Variants in TRPC5 observed in about 807,000 individuals in gnomAD.
TRPC5 encodes short transient receptor potential channel 5.
In TRPC5, 9 loss-of-function variants were observed where a neutral mutation model predicts 56.5. That is an observed-to-expected ratio of 0.16 (90% CI 0.10 to 0.28). The LOEUF (loss-of-function observed/expected upper bound fraction) is 0.28, where lower values mean the gene tolerates loss of function less well. Among genes scored for constraint, TRPC5 ranks in the 10% least tolerant of loss-of-function variants. The pLI is 1.00. For synonymous variants in TRPC5, 282 were observed against 278.5 expected (o/e 1.01, Z -0.13); for missense variants, 469 against 748.9 (o/e 0.63, Z 4.36).
intron 1 of TRPC5, among the ~76,000 whole-genome samples, chrX:111,966,398 A>G (rs1361782071): frequency 3.6e-5 from 4 of 111,717 alleles, no homozygotes; most frequent in Non-Finnish European, 5.6e-5. Context: ...TCTACCAGAG[A>G]TACAAGGAGG....
chrX:111,845,699 G>T (rs1046662117), intron 6 of TRPC5, among the ~76,000 whole-genome samples: 1 of 112,193 alleles, frequency 8.9e-6, no homozygotes, highest in African/African-American at 3.2e-5. Context: ...GTTGAAAACA[G>T]GTTGCTGTGA....
chrX:111,871,334 T>A (rs966998809), intron 3 of TRPC5, among the ~76,000 whole-genome samples: 3 of 110,424 alleles, frequency 2.7e-5, no homozygotes, highest in Non-Finnish European at 5.7e-5. Context: ...TTTTTTTTTA[T>A]CATAACAGGA....
chrX:111,874,159 C>G (rs1012384993), intron 3 of TRPC5, among the ~76,000 whole-genome samples: 1 of 112,723 alleles, frequency 8.9e-6, no homozygotes, highest in Non-Finnish European at 1.9e-5. Context: ...AGGCCCCATG[C>G]CAAGTACTTG....
At chrX:111,802,816 C>T (rs1423629968) in intron 7 of TRPC5, among the ~76,000 whole-genome samples, 2 of 111,729 alleles carry the variant, frequency 1.8e-5, no homozygotes, top group African/African-American at 6.5e-5. Flanking sequence ...AAACTCATAG[C>T]AAGCCTGCAT....
At chrX:111,958,051 A>T (rs775326208) in intron 1 of TRPC5, among the ~76,000 whole-genome samples, 43 of 112,023 alleles carry the variant, frequency 3.8e-4, no homozygotes, top group Non-Finnish European at 6.8e-4. Flanking sequence ...ATGTGCTCAG[A>T]TGTGGGTATA....
chrX:112,054,389 G>A (rs764560969), intron 1 of TRPC5, among the ~76,000 whole-genome samples: 4 of 111,261 alleles, frequency 3.6e-5, no homozygotes, highest in Non-Finnish European at 7.5e-5. Context: ...CCAAGATGAG[G>A]TGGTTGCAGT....
intron 1 of TRPC5, among the ~76,000 whole-genome samples, chrX:111,992,921 C>T (rs763616207): frequency 4.1e-4 from 45 of 110,510 alleles, no homozygotes; most frequent in African/African-American, 1.2e-3. Context: ...ATTTATTATA[C>T]TTTAAGTTCT....
chrX:111,951,386 AAAGATATTTGGAAGG>A (rs1927082745), intron 2 of TRPC5, among the ~76,000 whole-genome samples: 1 of 111,932 alleles, frequency 8.9e-6, no homozygotes, highest in South Asian at 3.8e-4. Context: ...AAAGTATATG[AAAGATATTTGGAAGG>A]AAGGAACCAC....
chrX:111,874,850 T>G (rs59264376), intron 3 of TRPC5, among the ~76,000 whole-genome samples: 2,283 of 112,595 alleles, frequency 0.02, 53 homozygotes, highest in African/African-American at 0.07. Flanking sequence ...GTTGCTTTTA[T>G]GCAGAGTTGA....
chrX:111,935,283 TG>T (rs1368153149), intron 2 of TRPC5, among the ~76,000 whole-genome samples: 2 of 112,477 alleles, frequency 1.8e-5, no homozygotes, highest in Non-Finnish European at 3.8e-5. Context: ...GAAATGTCTT[TG>T]TAGATCTTTT....
chrX:111,778,964 A>C (rs201251523), intron 10 of TRPC5, 21 bp downstream of exon 10: 1 of 1,102,638 alleles, frequency 9.1e-7, no homozygotes, highest in African/African-American at 1.8e-5. Flanking sequence ...AAAATGAAAA[A>C]CCACTTCATG....
chrX:112,060,076 G>T (rs1930428144), intron 1 of TRPC5, among the ~76,000 whole-genome samples: 1 of 112,020 alleles, frequency 8.9e-6, no homozygotes, highest in Non-Finnish European at 1.9e-5. Flanking sequence ...AGGTGCCAGA[G>T]GTTGAGTCCA....
chrX:111,830,130 A>G (rs1048593960), intron 7 of TRPC5, among the ~76,000 whole-genome samples: 1 of 112,684 alleles, frequency 8.9e-6, no homozygotes, highest in Non-Finnish European at 1.9e-5. Flanking sequence ...AAAGGAGATC[A>G]TTTTGAAACT....
At position 111,838,035 on chromosome X, in the gene TRPC5, G is replaced by A. The variant is rs945805429; in HGVS notation, c.1701-2919C>T. Among the ~76,000 whole-genome samples the A allele has an allele frequency of 1.2e-4, 13 of 110,066 alleles. No individual in the cohort carries two copies. The Admixed American group carries it at 1.3e-3, about 11-fold the overall frequency. ...TGCGGTGAGCTATGATCATGCCACT[G>A]CACTCCAGCCTGGGTGACAGGGCTA... On this transcript the variant is annotated intron_variant, in intron 6 of 10. Transcript: ENST00000262839.
At chrX:112,045,634 G>T (rs182100269) in intron 1 of TRPC5, among the ~76,000 whole-genome samples, 195 of 112,082 alleles carry the variant, frequency 1.7e-3, no homozygotes, top group African/African-American at 6.0e-3. Flanking sequence ...TTATACATTT[G>T]CAAGGAGTAA....
intron 1 of TRPC5, among the ~76,000 whole-genome samples, chrX:111,987,505 C>G (rs932460840): frequency 9.0e-6 from 1 of 110,955 alleles, no homozygotes; most frequent in African/African-American, 3.3e-5. Context: ...TACCTTTTGA[C>G]CTTCATCTCC....
In TRPC5 at chrX:112,056,437, A is replaced by G. The variant is rs1438072326; in HGVS notation, c.-22+25442T>C. ...ATTCTGACATCTCACTAAATCAAAC[A>G]TGCTTCCACACCAAGGAGTTCGATT... On this transcript the variant is annotated intron_variant, in intron 1 of 10. Coordinates refer to ENST00000262839, the MANE Select transcript of TRPC5 (RefSeq NM_012471.3). Among the ~76,000 whole-genome samples the G allele has an allele frequency of 2.7e-5, 3 of 112,326 alleles. No individual in the cohort carries two copies. The East Asian group carries it at 8.4e-4, about 31-fold the overall frequency.
intron 1 of TRPC5, among the ~76,000 whole-genome samples, chrX:111,980,464 T>C (rs1928048250): frequency 9.0e-6 from 1 of 111,687 alleles, no homozygotes; most frequent in South Asian, 3.7e-4. Context: ...TTATATGTTC[T>C]ATACCTTATT....
intron 1 of TRPC5, among the ~76,000 whole-genome samples, chrX:112,013,984 A>G (rs1929056760): frequency 8.9e-6 from 1 of 112,075 alleles, no homozygotes; most frequent in Non-Finnish European, 1.9e-5. Flanking sequence ...AAACTCAGTA[A>G]ACTGTGGTTC....
Sources: gnomAD v4.1 joint callset for allele counts (sites outside exome capture counted in the v4.1 genomes callset) on GRCh38, gnomAD v4.1.1 for gene constraint, MANE v1.5 for transcripts, NCBI Gene and HGNC (gene_info 2026-07-23, HGNC 2026-07-21) for gene names.